The following MYO18A variants were observed in gnomAD, a reference collection of about 807,000 sequenced individuals.
MYO18A encodes the protein myosin XVIIIA.
MYO18A carries 78 observed loss-of-function variants against 235.8 expected under a neutral mutation model. The ratio of observed to expected loss-of-function variants is 0.33; its 90% CI spans 0.28 to 0.40. MYO18A has a LOEUF of 0.40. Ranked by LOEUF, MYO18A falls within the 10% of genes least tolerant of loss-of-function variation. The pLI, the probability that MYO18A is intolerant of heterozygous loss-of-function variation, is 1.00. For synonymous variants in MYO18A, 977 were observed against 1,077.8 expected (o/e 0.91, Z 1.83); for missense variants, 2,215 against 2,699.3 (o/e 0.82, Z 3.98).
chr17:29,099,573 C>A, intron 22 of MYO18A, 61 bp downstream of exon 22: 1 of 1,573,804 alleles, frequency 6.4e-7, no homozygotes, highest in Non-Finnish European at 8.6e-7. Context: ...AGCCCCCACC[C>A]CAGGAACTTG....
intron 1 of MYO18A, chr17:29,176,699 GA>G (rs1404940557): frequency 2.0e-5 from 3 of 152,234 alleles, no homozygotes; most frequent in Admixed American, 6.5e-5. Context: ...GCTCCAGGGG[GA>G]GCCTCCTCCC....
chr17:29,100,737 T>C (rs114410898), intron 21 of MYO18A, among the ~76,000 whole-genome samples: 361 of 152,328 alleles, frequency 2.4e-3, no homozygotes, highest in African/African-American at 8.5e-3. Flanking sequence ...AAAGAGAAGA[T>C]GTGAACATCA....
rs2067725605 is a variant in MYO18A at position 29,140,919 on chromosome 17, G to A, written c.1000-18666C>T. Among the ~76,000 whole-genome samples the A allele has an allele frequency of 6.6e-6, 1 of 152,196 alleles. No homozygotes were observed. Among genetic ancestry groups the A allele is most frequent in the African/African-American group, 2.4e-5 (1 of 41,454 alleles). On this transcript the variant is annotated intron_variant, in intron 2 of 41. Coordinates refer to ENST00000527372, the MANE Select transcript of MYO18A (RefSeq NM_078471.4). The surrounding 1 kb of genome is among the most constrained non-coding windows in gnomAD (Gnocchi z 4.2). Reference sequence around the variant, plus strand: ...AATTACTGCGGCAGAGGCCAAGACAGCCACTAACGTCACATCCAAGACAGC... The same window carrying A: ...AATTACTGCGGCAGAGGCCAAGACAACCACTAACGTCACATCCAAGACAGC...
intron 2 of MYO18A, among the ~76,000 whole-genome samples, chr17:29,157,707 A>G (rs748855671): frequency 2.0e-5 from 3 of 152,200 alleles, no homozygotes; most frequent in Non-Finnish European, 4.4e-5. Flanking sequence ...CCTAACCTAC[A>G]GTGAATGTTA....
chr17:29,080,667 G>A (rs1023631613), intron 41 of MYO18A: 10 of 985,460 alleles, frequency 1.0e-5, no homozygotes, highest in Non-Finnish European at 9.6e-6. Flanking sequence ...AGGCCCGGCT[G>A]ACCGGTGCAG....
Position 29,133,910 on chromosome 17 carries a change from C to T in MYO18A, c.1000-11657G>A, listed in dbSNP as rs1175515592. ...GGGTCTCTCAGTGTCTCTGAGTCTT[C>T]CCAAAGGCCAGAACCTGCCAGGATA... On this transcript the variant is annotated intron_variant, in intron 2 of 41. Coordinates refer to ENST00000527372, the MANE Select transcript of MYO18A (RefSeq NM_078471.4). The T allele has an allele frequency of 2.4e-6, 3 of 1,262,542 alleles. No individual in the cohort carries two copies. The Admixed American group carries it at 7.0e-5, about 30-fold the overall frequency. 78.2% of individuals were successfully genotyped at this position (1,262,542 alleles called of 1,614,324 possible). A position where few individuals can be genotyped will look rare whatever the true frequency, so the allele number is the denominator to read the frequency against.
chr17:29,074,333 C>T lies in MYO18A; in HGVS notation c.*437G>A, dbSNP rs2065926892. On this transcript the variant is annotated 3_prime_UTR_variant, in exon 42 of 42. Transcript: ENST00000527372. This position sits in a 1 kb window ranked among gnomAD's most constrained non-coding sequence, Gnocchi z 4.4. The stretch of plus-strand genomic sequence containing the variant: ...GCAGGCACCAAGAAGAGAGAGCCCC[C>T]ACCCCACACGAGAGGGAAGGCACTG... 1 of 816,454 alleles carries T rather than the reference C, an allele frequency of 1.2e-6. No homozygotes were observed. The highest frequency in any genetic ancestry group is 1.7e-5 in the African/African-American group (1 of 57,640). The allele number at this position is 816,454 out of a possible 1,614,324, so 50.6% of individuals were successfully genotyped here.
chr17:29,092,828 G>T, intron 33 of MYO18A, 27 bp downstream of exon 33: 1 of 1,612,418 alleles, frequency 6.2e-7, no homozygotes. Context: ...GTTGTGCCTG[G>T]ATCAGCCGTG....
At chr17:29,144,209 G>C (rs1328013518) in intron 2 of MYO18A, among the ~76,000 whole-genome samples, 2 of 152,140 alleles carry the variant, frequency 1.3e-5, no homozygotes, top group African/African-American at 4.8e-5. Flanking sequence ...AGCCAGCCAG[G>C]CCACCCCAAG....
At chr17:29,107,309 G>A (rs759405024) in intron 19 of MYO18A, 120 bp from the exon 20 acceptor site, 37 of 913,838 alleles carry the variant, frequency 4.0e-5, no homozygotes, top group Non-Finnish European at 5.4e-5. Flanking sequence ...TGCAGGGGGT[G>A]GGGAGCCTGT....
At chr17:29,090,723 A>G in intron 35 of MYO18A, 87 bp downstream of exon 35, 1 of 1,536,624 alleles carries the variant, frequency 6.5e-7, no homozygotes, top group South Asian at 1.1e-5. Context: ...TCACCTCCCA[A>G]AACAAGCGGT....
At chr17:29,129,040 C>T in intron 2 of MYO18A, 1 of 1,289,324 alleles carries the variant, frequency 7.8e-7, no homozygotes, top group Non-Finnish European at 1.0e-6. Flanking sequence ...AGGCCTAACT[C>T]CAGGGCGTCC....
At chr17:29,156,459 G>A (rs550882966) in intron 2 of MYO18A, among the ~76,000 whole-genome samples, 2 of 152,268 alleles carry the variant, frequency 1.3e-5, no homozygotes, top group East Asian at 3.9e-4. Flanking sequence ...TGTGAGAGAT[G>A]CCAGGCCCCA....
intron 23 of MYO18A, 60 bp downstream of exon 23, chr17:29,098,766 A>G: frequency 7.5e-6 from 12 of 1,598,342 alleles, no homozygotes; most frequent in Non-Finnish European, 9.4e-6. Context: ...TGGAAGCCCA[A>G]GATAAACCAG....
At chr17:29,095,838 C>G (rs995923445) in intron 28 of MYO18A, among the ~76,000 whole-genome samples, 1 of 152,138 alleles carries the variant, frequency 6.6e-6, no homozygotes, top group African/African-American at 2.4e-5. Context: ...AGTTGCCCAG[C>G]GGGGAGCAGG....
At chr17:29,149,502 G>C (rs1187111495) in intron 2 of MYO18A, among the ~76,000 whole-genome samples, 1 of 152,136 alleles carries the variant, frequency 6.6e-6, no homozygotes, top group Non-Finnish European at 1.5e-5. Context: ...CACCCACCCA[G>C]TCCCTGCATT....
Position 29,090,819 on chromosome 17 carries a change from G to A in MYO18A, c.5295C>T (p.Ala1765=), listed in dbSNP as rs1214347478. Residue 1765 remains alanine, a synonymous_variant, in exon 35 of 42, where the codon GCC becomes GCT. Transcript: ENST00000527372. The stretch of plus-strand genomic sequence containing the variant: ...CTCCTGGCAGGGGTACCTGAGCCAC[G>A]GCAGCCTTGTGCTTCTTCATCAATT... The part of the protein sequence containing the change: ...MNELMKKHKA[A]VAQASRDLAQ... 6 of 1,613,694 alleles carry A rather than the reference G, an allele frequency of 3.7e-6. No homozygotes were observed. The highest frequency in any genetic ancestry group is 2.7e-5 in the African/African-American group (2 of 74,906).
intron 1 of MYO18A, among the ~76,000 whole-genome samples, chr17:29,176,044 C>T (rs1391950549): frequency 2.0e-5 from 3 of 151,986 alleles, no homozygotes; most frequent in Non-Finnish European, 4.4e-5. Context: ...GGTGACAGAG[C>T]GAGACTCCTT....
chr17:29,113,487 A>G (rs2066983579), intron 15 of MYO18A, among the ~76,000 whole-genome samples: 1 of 152,138 alleles, frequency 6.6e-6, no homozygotes, highest in Non-Finnish European at 1.5e-5. Context: ...GAGGGTTCAT[A>G]TCCATGACAG....
Sources: allele counts gnomAD v4.1 joint callset (sites outside exome capture counted in the v4.1 genomes callset), GRCh38; gene constraint gnomAD v4.1.1; non-coding constraint Gnocchi (gnomAD v3.1); transcripts MANE v1.5; gene names NCBI Gene and HGNC (gene_info 2026-07-23, HGNC 2026-07-21).